MYO1D: variants seen among roughly 807,000 people sequenced by gnomAD.
The protein encoded by MYO1D is myosin ID, also known as unconventional myosin-Id.
In MYO1D, 83 loss-of-function variants were observed where a neutral mutation model predicts 122.0. That is an observed-to-expected ratio of 0.68 (90% CI 0.57 to 0.82). The LOEUF is 0.82. MYO1D is among the 40% of genes least tolerant of loss of function. The probability of loss-of-function intolerance (pLI) is 0.00; values close to 1 mark genes in which losing one functional copy is unlikely to be tolerated. For missense variants in MYO1D, 1,157 were observed against 1,269.5 expected (o/e 0.91, Z 1.35); for synonymous variants, 464 against 446.9 (o/e 1.04, Z -0.48).
chr17:32,629,558 C>A (rs1403346203), intron 20 of MYO1D, among the ~76,000 whole-genome samples: 1 of 152,010 alleles, frequency 6.6e-6, no homozygotes, highest in Non-Finnish European at 1.5e-5. Flanking sequence ...GATGGTGAAA[C>A]CTCGTCTCTA....
At chr17:32,718,572 G>A (rs12451167) in intron 15 of MYO1D, among the ~76,000 whole-genome samples, 65,832 of 151,656 alleles carry the variant, frequency 0.43, 14,857 homozygotes, top group East Asian at 0.73. Flanking sequence ...GTGGTGACGC[G>A]CCCCTGTAAT....
At chr17:32,826,189 A>AGT (rs1277818052) in intron 1 of MYO1D, among the ~76,000 whole-genome samples, 2 of 151,998 alleles carry the variant, frequency 1.3e-5, no homozygotes, top group East Asian at 1.9e-4. Context: ...ACTATTGGTT[A>AGT]GTTTGCCCCA....
chr17:32,857,509 C>A (rs928905967), intron 1 of MYO1D, among the ~76,000 whole-genome samples: 1 of 150,152 alleles, frequency 6.7e-6, no homozygotes. Context: ...GGCGTGAACC[C>A]AGGAGGTGGA....
chr17:32,539,463 C>T (rs1011053284), intron 21 of MYO1D, among the ~76,000 whole-genome samples: 2 of 152,134 alleles, frequency 1.3e-5, no homozygotes, highest in Non-Finnish European at 2.9e-5. Flanking sequence ...TACTTTTTTA[C>T]AGTTCTGGAG....
intron 21 of MYO1D, among the ~76,000 whole-genome samples, chr17:32,543,157 C>T (rs1175196552): frequency 2.0e-5 from 3 of 150,624 alleles, no homozygotes; most frequent in East Asian, 2.0e-4. Context: ...ACCTGGGAGG[C>T]GGAGCTTGCA....
At chr17:32,689,735 T>C (rs2089069248) in intron 16 of MYO1D, among the ~76,000 whole-genome samples, 1 of 152,194 alleles carries the variant, frequency 6.6e-6, no homozygotes, top group African/African-American at 2.4e-5. Flanking sequence ...CTTTTTTTTT[T>C]TGAGATGGAG....
chr17:32,573,799 A>C (rs1597905768), intron 21 of MYO1D, among the ~76,000 whole-genome samples: 1 of 152,306 alleles, frequency 6.6e-6, no homozygotes, highest in South Asian at 2.1e-4. Context: ...TGCTGGGATT[A>C]CAAGTGTGAG....
At chr17:32,823,505 C>T (rs896076806) in intron 1 of MYO1D, among the ~76,000 whole-genome samples, 3 of 152,132 alleles carry the variant, frequency 2.0e-5, no homozygotes, top group Admixed American at 1.3e-4. Context: ...GTGCTTAAAA[C>T]TGAGTTAAAC....
intron 16 of MYO1D, among the ~76,000 whole-genome samples, chr17:32,696,335 T>C (rs1459404590): frequency 2.0e-5 from 3 of 152,132 alleles, no homozygotes; most frequent in Non-Finnish European, 4.4e-5. Context: ...AGTACACTTA[T>C]GGACCTATAC....
chr17:32,685,582 C>T (rs2088994313), intron 16 of MYO1D, among the ~76,000 whole-genome samples: 1 of 152,046 alleles, frequency 6.6e-6, no homozygotes, highest in Non-Finnish European at 1.5e-5. Flanking sequence ...AGGTTTTTCC[C>T]CTAAATAAAA....
intron 16 of MYO1D, among the ~76,000 whole-genome samples, chr17:32,685,984 T>A (rs2088999778): frequency 6.6e-6 from 1 of 152,228 alleles, no homozygotes; most frequent in African/African-American, 2.4e-5. Context: ...CTGACTGTTA[T>A]ATCCACCAAG....
chr17:32,728,398 G>C (rs1339161910), intron 14 of MYO1D, among the ~76,000 whole-genome samples: 1 of 152,084 alleles, frequency 6.6e-6, no homozygotes, highest in Non-Finnish European at 1.5e-5. Flanking sequence ...AGTAGAGACA[G>C]GGTTTCACTA....
At chr17:32,532,670 A>G (rs372399013) in intron 21 of MYO1D, among the ~76,000 whole-genome samples, 35 of 149,916 alleles carry the variant, frequency 2.3e-4, no homozygotes, top group African/African-American at 4.4e-4. Context: ...AGCTTGGAGT[A>G]AGCCGAGATT....
chr17:32,539,143 A>G (rs1479980809), intron 21 of MYO1D, among the ~76,000 whole-genome samples: 3 of 152,138 alleles, frequency 2.0e-5, no homozygotes, highest in South Asian at 2.1e-4. Context: ...TGATGTTCAA[A>G]TATGACTTTT....
chr17:32,550,965 C>CA (rs200307505), intron 21 of MYO1D, among the ~76,000 whole-genome samples: 149 of 137,382 alleles, frequency 1.1e-3, no homozygotes, highest in Non-Finnish European at 2.0e-3. Flanking sequence ...AACAGAGTGT[C>CA]AAAAAAAAGA....
intron 16 of MYO1D, among the ~76,000 whole-genome samples, chr17:32,669,591 G>T (rs1324353437): frequency 1.3e-5 from 2 of 152,090 alleles, no homozygotes; most frequent in African/African-American, 4.8e-5. Flanking sequence ...TCTGTCTTTT[G>T]TGAGTTAAAT....
rs145003250 is a variant in MYO1D at position 32,625,536 on chromosome 17, T to C, written c.2709+13186A>G. On this transcript the variant is annotated intron_variant, in intron 20 of 21. Transcript: ENST00000318217. ...ATGCGATGAATGTTAGTTCTGTTAT[T>C]TCTTTCCTCTTAAAACAGGATTTTT... 1.5e-3 allele frequency among the ~76,000 whole-genome samples: 224 copies of C among 148,938 alleles called. 1 individual carries two copies. The highest frequency in any genetic ancestry group is 5.4e-3 in the African/African-American group (216 of 39,806).
chr17:32,672,920 G>A (rs987916091), intron 16 of MYO1D, among the ~76,000 whole-genome samples: 6 of 151,846 alleles, frequency 4.0e-5, no homozygotes, highest in East Asian at 1.9e-4. Context: ...CACTGCAGCT[G>A]TTGCACTTAG....
intron 1 of MYO1D, among the ~76,000 whole-genome samples, chr17:32,791,225 A>G (rs73281899): frequency 6.6e-6 from 1 of 152,088 alleles, no homozygotes; most frequent in South Asian, 2.1e-4. Context: ...TTAATTGGGC[A>G]TGGTGGCACG....
Sources: allele counts gnomAD v4.1 joint callset (sites outside exome capture counted in the v4.1 genomes callset), GRCh38; gene constraint gnomAD v4.1.1; transcripts MANE v1.5; gene names NCBI Gene and HGNC (gene_info 2026-07-23, HGNC 2026-07-21).